The following PLEKHG1 variants were observed in gnomAD, a reference collection of about 807,000 sequenced individuals.
PLEKHG1 encodes pleckstrin homology and RhoGEF domain containing G1.
In PLEKHG1, 44 loss-of-function variants were observed where a neutral mutation model predicts 100.8. The ratio of observed to expected loss-of-function variants is 0.44; its 90% CI spans 0.34 to 0.56. PLEKHG1 has a LOEUF of 0.56. Among genes scored for constraint, PLEKHG1 ranks in the 20% least tolerant of loss-of-function variants. The pLI, the probability that PLEKHG1 is intolerant of heterozygous loss-of-function variation, is 0.01. For missense variants in PLEKHG1, 1,545 were observed against 1,720.9 expected (o/e 0.90, Z 1.81); for synonymous variants, 640 against 662.5 (o/e 0.97, Z 0.52).
chr6:150,767,241 A>G (rs747096004), intron 2 of PLEKHG1, among the ~76,000 whole-genome samples: 1 of 152,040 alleles, frequency 6.6e-6, no homozygotes, highest in Non-Finnish European at 1.5e-5. Context: ...TGTCTGTCCT[A>G]TGCAGGTACT....
chr6:150,656,254 C>G (rs930743425), intron 3 of PLEKHG1, among the ~76,000 whole-genome samples: 6 of 151,754 alleles, frequency 4.0e-5, no homozygotes, highest in Admixed American at 3.3e-4. Context: ...CCTAACTATT[C>G]TTGAGAGAAA....
At chr6:150,808,985 A>G in intron 7 of PLEKHG1, 120 bp from the exon 9 acceptor site, 1 of 715,362 alleles carries the variant, frequency 1.4e-6, no homozygotes, top group Non-Finnish European at 2.4e-6. Context: ...TACCACGTAG[A>G]TAGTTAGACC....
chr6:150,751,677 C>T (rs1783517522), intron 2 of PLEKHG1, among the ~76,000 whole-genome samples: 1 of 151,982 alleles, frequency 6.6e-6, no homozygotes, highest in Non-Finnish European at 1.5e-5. Context: ...GGCAAATGGA[C>T]GGGGGTAGGA....
At chr6:150,792,070 A>G (rs891039056) in intron 4 of PLEKHG1, among the ~76,000 whole-genome samples, 14 of 152,228 alleles carry the variant, frequency 9.2e-5, no homozygotes, top group African/African-American at 3.1e-4. Context: ...TAGCTAATCA[A>G]AAGTGCTGTA....
intron 1 of PLEKHG1, among the ~76,000 whole-genome samples, chr6:150,632,320 A>C (rs1777793783): frequency 6.6e-6 from 1 of 151,958 alleles, no homozygotes; most frequent in Non-Finnish European, 1.5e-5. Flanking sequence ...AACAGTAGGG[A>C]GTTGTGATTT....
At chr6:150,742,326 G>A (rs1782906257) in intron 2 of PLEKHG1, among the ~76,000 whole-genome samples, 1 of 152,088 alleles carries the variant, frequency 6.6e-6, no homozygotes, top group Non-Finnish European at 1.5e-5. Flanking sequence ...CAGCACTCGG[G>A]GAGGCCGAGG....
chr6:150,748,510 T>G (rs1783293147), intron 2 of PLEKHG1, among the ~76,000 whole-genome samples: 2 of 152,190 alleles, frequency 1.3e-5, no homozygotes, highest in Admixed American at 6.5e-5. Flanking sequence ...GAGTAAATTT[T>G]CTAGTATTTG....
chr6:150,800,901 G>T (rs1786662281), intron 6 of PLEKHG1, 32 bp downstream of exon 7: 2 of 1,593,748 alleles, frequency 1.3e-6, no homozygotes, highest in Non-Finnish European at 8.6e-7. Flanking sequence ...GCACTTTCCA[G>T]GGGATGGGAG....
upstream of PLEKHG1, among the ~76,000 whole-genome samples, chr6:150,718,576 T>G (rs1230625276): frequency 6.6e-6 from 1 of 151,828 alleles, no homozygotes; most frequent in Admixed American, 6.6e-5. Context: ...TTCAAGTGAT[T>G]CTCCTGCCTC....
At chr6:150,774,531 ATTTTT>A (rs61521577) in intron 3 of PLEKHG1, among the ~76,000 whole-genome samples, 4 of 87,140 alleles carry the variant, frequency 4.6e-5, no homozygotes, top group African/African-American at 1.5e-4. Context: ...ATTAGTTTGA[ATTTTT>A]TTTTTTTTTT....
chr6:150,745,643 G>T (rs138575700), intron 2 of PLEKHG1, among the ~76,000 whole-genome samples: 2 of 149,472 alleles, frequency 1.3e-5, no homozygotes, highest in Non-Finnish European at 3.0e-5. Context: ...AGATCACGCC[G>T]CTGCACTCCA....
intron 1 of PLEKHG1, among the ~76,000 whole-genome samples, chr6:150,726,658 A>G (rs72570334): frequency 0.086 from 13,069 of 152,058 alleles, 644 homozygotes; most frequent in Admixed American, 0.14. Flanking sequence ...TAACAGGGTA[A>G]CAAGATTTTT....
chr6:150,721,041 G>A (rs938955974), upstream of PLEKHG1: 3 of 575,170 alleles, frequency 5.2e-6, no homozygotes, highest in Non-Finnish European at 6.6e-6. Flanking sequence ...TCAGGTTTTT[G>A]TAAAGCCTTT....
intron 3 of PLEKHG1, among the ~76,000 whole-genome samples, chr6:150,706,711 T>G (rs1436785580): frequency 6.6e-6 from 1 of 151,994 alleles, no homozygotes; most frequent in Non-Finnish European, 1.5e-5. Flanking sequence ...TCTTAATTCC[T>G]TCATAGAAAC....
At chr6:150,758,411 A>G (rs964251806) in intron 2 of PLEKHG1, among the ~76,000 whole-genome samples, 2 of 150,668 alleles carry the variant, frequency 1.3e-5, no homozygotes, top group Non-Finnish European at 2.9e-5. Context: ...ATCTTGGCTC[A>G]CTGCAACCTC....
At chr6:150,825,775 C>T (rs1044262956) in intron 14 of PLEKHG1, among the ~76,000 whole-genome samples, 19 of 152,288 alleles carry the variant, frequency 1.2e-4, no homozygotes, top group Admixed American at 1.0e-3. Context: ...CTTAACCTTA[C>T]CAGGACTTAG....
chr6:150,689,177 CAGTAT>C (rs1419401084), intron 3 of PLEKHG1, among the ~76,000 whole-genome samples: 1 of 152,204 alleles, frequency 6.6e-6, no homozygotes, highest in Admixed American at 6.5e-5. Context: ...TTATTTCACT[CAGTAT>C]AGTATGTTCA....
chr6:150,767,665 G>A (rs1032317846), intron 2 of PLEKHG1, among the ~76,000 whole-genome samples: 1 of 152,204 alleles, frequency 6.6e-6, no homozygotes, highest in Non-Finnish European at 1.5e-5. Context: ...AAACACGACA[G>A]TGTTTGCTGT....
chr6:150,840,087 A>C, exon 16 of PLEKHG1: 2 of 1,614,186 alleles, frequency 1.2e-6, no homozygotes, highest in Non-Finnish European at 1.7e-6. Flanking sequence ...GATCAATACA[A>C]AAAGTACTCC....
Sources: gnomAD v4.1 joint callset for allele counts (sites outside exome capture counted in the v4.1 genomes callset) on GRCh38, gnomAD v4.1.1 for gene constraint, MANE v1.5 for transcripts, NCBI Gene and HGNC (gene_info 2026-07-23, HGNC 2026-07-21) for gene names.